Variants in UNC13C observed in about 807,000 individuals in gnomAD.
The protein encoded by UNC13C is unc-13 homolog C.
In UNC13C, 174 loss-of-function variants were observed where a neutral mutation model predicts 245.4. The observed-to-expected ratio is 0.71, with a 90% CI of 0.63 to 0.80. UNC13C has a LOEUF of 0.80. Ranked by LOEUF, UNC13C falls within the 30% of genes least tolerant of loss-of-function variation. The pLI is 0.00. For synonymous variants in UNC13C, 992 were observed against 895.1 expected (o/e 1.11, Z -1.93); for missense variants, 2,829 against 2,602.9 (o/e 1.09, Z -1.89).
At chr15:54,119,989 C>T (rs2030556134) in intron 2 of UNC13C, among the ~76,000 whole-genome samples, 1 of 152,082 alleles carries the variant, frequency 6.6e-6, no homozygotes, top group South Asian at 2.1e-4. Flanking sequence ...AAGGAAAAAG[C>T]TCTCTCCATA....
chr15:53,844,672 T>A, the UNC13C span, among the ~76,000 whole-genome samples: 1,021 of 152,216 alleles, frequency 6.7e-3, 6 homozygotes, highest in Non-Finnish European at 9.6e-3. Context: ...AAGGGACAAA[T>A]GTTTTACAAT....
chr15:54,478,737 G>A (rs1892921172), intron 19 of UNC13C, among the ~76,000 whole-genome samples: 1 of 151,320 alleles, frequency 6.6e-6, no homozygotes, highest in Admixed American at 6.6e-5. Context: ...CCAACTATGT[G>A]GTCAATTTTG....
intron 18 of UNC13C, among the ~76,000 whole-genome samples, chr15:54,394,379 G>T (rs1283883203): frequency 1.3e-5 from 2 of 151,586 alleles, no homozygotes; most frequent in East Asian, 1.9e-4. Flanking sequence ...GATGGCCTTT[G>T]TGTTTCCTAA....
chr15:54,400,214 T>G (rs909736306), intron 18 of UNC13C, among the ~76,000 whole-genome samples: 1 of 152,060 alleles, frequency 6.6e-6, no homozygotes, highest in African/African-American at 2.4e-5. Flanking sequence ...CCTGGTATTG[T>G]GTAATCCCTA....
At chr15:54,486,607 A>T (rs190844681) in intron 19 of UNC13C, among the ~76,000 whole-genome samples, 1 of 152,318 alleles carries the variant, frequency 6.6e-6, no homozygotes, top group African/African-American at 2.4e-5. Context: ...TTATAGGATT[A>T]TGGGTAAATA....
At position 54,415,149 on chromosome 15, in the gene UNC13C, A is replaced by G. The variant is rs377391746; in HGVS notation, c.4933+82A>G. The G allele has an allele frequency of 4.0e-5, 40 of 1,005,052 alleles. 1 individual carries two copies. In the African/African-American group the frequency reaches 4.9e-4, roughly 12 times the overall value. The allele number at this position is 1,005,052 out of a possible 1,614,324, so 62.3% of individuals were successfully genotyped here. A position where few individuals can be genotyped will look rare whatever the true frequency, so the allele number is the denominator to read the frequency against. On this transcript the variant is annotated intron_variant, in intron 19 of 32. Transcript: ENST00000260323. ...GTGTTCTTGGCTTTAAATGTTGAGA[A>G]TTGAAACATTAAAACACTGATTACT... is the stretch of plus-strand genomic sequence containing the variant.
At chr15:53,878,565 T>G in the UNC13C span, among the ~76,000 whole-genome samples, 1 of 152,220 alleles carries the variant, frequency 6.6e-6, no homozygotes, top group African/African-American at 2.4e-5. Context: ...TAGCCAGCCC[T>G]GTCGTCCTGC....
intron 2 of UNC13C, among the ~76,000 whole-genome samples, chr15:54,044,053 C>A (rs1307452907): frequency 6.6e-6 from 1 of 152,106 alleles, no homozygotes; most frequent in Non-Finnish European, 1.5e-5. Context: ...AAAAAGAAAC[C>A]CCATGTTTAT....
intron 4 of UNC13C, among the ~76,000 whole-genome samples, chr15:54,197,848 A>G (rs2034405577): frequency 6.6e-6 from 1 of 152,152 alleles, no homozygotes; most frequent in Admixed American, 6.5e-5. Flanking sequence ...GAACTGGATC[A>G]CTGCTGCAGG....
chr15:54,383,845 T>C (rs1017708594), intron 17 of UNC13C, among the ~76,000 whole-genome samples: 1 of 151,932 alleles, frequency 6.6e-6, no homozygotes, highest in Non-Finnish European at 1.5e-5. Flanking sequence ...CATACAAAAA[T>C]CAGTAGCATT....
intron 28 of UNC13C, among the ~76,000 whole-genome samples, chr15:54,554,329 C>A (rs866634884): frequency 6.6e-6 from 1 of 151,870 alleles, no homozygotes. Flanking sequence ...GGTGTGATTG[C>A]GTGGTTTGTG....
chr15:54,304,653 TAAA>T (rs55692010), intron 13 of UNC13C, among the ~76,000 whole-genome samples: 2 of 123,344 alleles, frequency 1.6e-5, no homozygotes, highest in Admixed American at 8.2e-5. Flanking sequence ...GAGATGTAAC[TAAA>T]AAAAAAAAAA....
At chr15:54,160,462 G>T (rs749903612) in intron 4 of UNC13C, among the ~76,000 whole-genome samples, 1 of 150,858 alleles carries the variant, frequency 6.6e-6, no homozygotes, top group Admixed American at 6.7e-5. Context: ...ATGATAAGTT[G>T]TTGATCACTC....
At chr15:54,252,578 A>G (rs767766572) in intron 8 of UNC13C, among the ~76,000 whole-genome samples, 17 of 152,274 alleles carry the variant, frequency 1.1e-4, no homozygotes, top group Non-Finnish European at 2.4e-4. Flanking sequence ...CATGATAACT[A>G]TCAATAAAAT....
intron 2 of UNC13C, among the ~76,000 whole-genome samples, chr15:54,047,240 T>G (rs1339725833): frequency 6.6e-6 from 1 of 152,030 alleles, no homozygotes; most frequent in Non-Finnish European, 1.5e-5. Flanking sequence ...TAGGTACATT[T>G]TTAAAATTAT....
chr15:54,269,560 T>A (rs2036632312), intron 10 of UNC13C, among the ~76,000 whole-genome samples: 1 of 152,128 alleles, frequency 6.6e-6, no homozygotes, highest in South Asian at 2.1e-4. Context: ...TAATGATAAG[T>A]GCAGCCAAAT....
chr15:54,615,365 CAT>C (rs1203432182), intron 30 of UNC13C, among the ~76,000 whole-genome samples: 1 of 151,988 alleles, frequency 6.6e-6, no homozygotes, highest in Admixed American at 6.6e-5. Flanking sequence ...TGTGGGGATG[CAT>C]AGTCCCATGA....
chr15:54,224,301 G>A (rs1043340771), intron 4 of UNC13C, among the ~76,000 whole-genome samples: 1 of 151,978 alleles, frequency 6.6e-6, no homozygotes, highest in Non-Finnish European at 1.5e-5. Flanking sequence ...AATGTGTTAA[G>A]GTATGTTCTT....
intron 5 of UNC13C, among the ~76,000 whole-genome samples, 200 bp from the exon 6 acceptor site, chr15:54,236,230 G>C (rs906835851): frequency 2.0e-5 from 3 of 152,002 alleles, no homozygotes; most frequent in Non-Finnish European, 4.4e-5. Context: ...CCACCACTTT[G>C]GTTTTAAAAT....
Sources: gnomAD v4.1 joint callset for allele counts (sites outside exome capture counted in the v4.1 genomes callset) on GRCh38, gnomAD v4.1.1 for gene constraint, MANE v1.5 for transcripts, NCBI Gene and HGNC (gene_info 2026-07-23, HGNC 2026-07-21) for gene names.